Variants in JAK1 observed in about 807,000 individuals in gnomAD.
The protein encoded by JAK1 is Janus kinase 1, also known as tyrosine-protein kinase JAK1.
Under a neutral mutation model 136.6 loss-of-function variants are expected in JAK1, and 16 were observed. The ratio of observed to expected loss-of-function variants is 0.12; its 90% CI spans 0.08 to 0.18. The LOEUF (loss-of-function observed/expected upper bound fraction) is 0.18, where lower values mean the gene tolerates loss of function less well. Among genes scored for constraint, JAK1 ranks in the 10% least tolerant of loss-of-function variants. JAK1 has a pLI of 1.00. For synonymous variants in JAK1, 492 were observed against 519.5 expected, an observed-to-expected ratio of 0.95 and a Z score of 0.72; for missense variants, 859 against 1,450.1, an observed-to-expected ratio of 0.59 and a Z score of 6.62.
At chr1:64,848,491 G>A (rs1206544842) in intron 12 of JAK1, among the ~76,000 whole-genome samples, 1 of 151,914 alleles carries the variant, frequency 6.6e-6, no homozygotes, top group African/African-American at 2.4e-5. Flanking sequence ...TGGAGCCTGG[G>A]GTGATGTGTC....
intron 2 of JAK1, among the ~76,000 whole-genome samples, chr1:65,035,960 C>T (rs571625): frequency 0.14 from 20,624 of 151,818 alleles, 1,759 homozygotes; most frequent in East Asian, 0.32. Flanking sequence ...CCCAGCTACT[C>T]AGGAGGCTGA....
intron 2 of JAK1, among the ~76,000 whole-genome samples, chr1:64,977,678 G>A (rs749298934): frequency 6.6e-5 from 10 of 151,992 alleles, no homozygotes; most frequent in Admixed American, 5.9e-4. Context: ...TGATCTACAC[G>A]TCTTGGCCTC....
At chr1:64,839,909 C>G in intron 19 of JAK1, 114 bp from the exon 20 acceptor site, 1 of 842,034 alleles carries the variant, frequency 1.2e-6, no homozygotes, top group Non-Finnish European at 1.8e-6. Context: ...TTCTCGCTGT[C>G]TGGCCTTGCA....
intron 2 of JAK1, chr1:64,994,920 C>T (rs1047697893): frequency 6.9e-6 from 1 of 145,228 alleles, no homozygotes; most frequent in Non-Finnish European, 1.5e-5. Context: ...TACAGTAAGA[C>T]GTGACACCAT....
At chr1:64,977,678 G>T (rs749298934) in intron 2 of JAK1, among the ~76,000 whole-genome samples, 1 of 151,992 alleles carries the variant, frequency 6.6e-6, no homozygotes, top group African/African-American at 2.4e-5. Context: ...TGATCTACAC[G>T]TCTTGGCCTC....
intron 10 of JAK1, among the ~76,000 whole-genome samples, chr1:64,856,902 C>G (rs1218647433): frequency 6.6e-6 from 1 of 152,214 alleles, no homozygotes; most frequent in African/African-American, 2.4e-5. Context: ...CTCCGTGTCC[C>G]AGGTCTCCCC....
chr1:64,863,181 A>G (rs1291128389), intron 8 of JAK1, among the ~76,000 whole-genome samples: 1 of 150,286 alleles, frequency 6.7e-6, no homozygotes, highest in Non-Finnish European at 1.5e-5. Flanking sequence ...AGCATATGAC[A>G]CGGGGCCTAA....
chr1:65,001,396 C>G (rs1646755079), intron 2 of JAK1, among the ~76,000 whole-genome samples: 1 of 152,164 alleles, frequency 6.6e-6, no homozygotes, highest in African/African-American at 2.4e-5. Flanking sequence ...TCTCCCTGTG[C>G]GCTGGCTGGC....
intron 2 of JAK1, chr1:64,979,871 G>A (rs1274944268): frequency 1.3e-5 from 2 of 152,156 alleles, no homozygotes; most frequent in Non-Finnish European, 2.9e-5. Context: ...GAAGGACACT[G>A]AAAAAGAGGC....
intron 1 of JAK1, among the ~76,000 whole-genome samples, chr1:64,963,800 A>G (rs1313560956): frequency 6.6e-6 from 1 of 152,140 alleles, no homozygotes; most frequent in Admixed American, 6.5e-5. Context: ...TCAGTATTCC[A>G]AAGCAGGACT....
At chr1:64,931,832 T>G (rs978193204) in intron 1 of JAK1, among the ~76,000 whole-genome samples, 1 of 152,112 alleles carries the variant, frequency 6.6e-6, no homozygotes, top group Non-Finnish European at 1.5e-5. Flanking sequence ...GAATACATAA[T>G]GTACACACAC....
intron 1 of JAK1, among the ~76,000 whole-genome samples, chr1:65,049,759 A>T (rs968028582): frequency 7.2e-5 from 11 of 151,906 alleles, no homozygotes; most frequent in Non-Finnish European, 1.2e-4. Flanking sequence ...TCATATCCTC[A>T]CCCCACCAAA....
chr1:64,884,588 C>T (rs577727302), intron 2 of JAK1, among the ~76,000 whole-genome samples: 2 of 152,184 alleles, frequency 1.3e-5, no homozygotes, highest in Non-Finnish European at 2.9e-5. Flanking sequence ...TGCTTGAAAC[C>T]CACAAGGCTG....
intron 11 of JAK1, among the ~76,000 whole-genome samples, chr1:64,853,730 TG>T (rs1172170057): frequency 2.6e-5 from 4 of 151,178 alleles, no homozygotes; most frequent in Non-Finnish European, 5.9e-5. Flanking sequence ...ATAAACTGCC[TG>T]GGCCACAGTA....
At chr1:64,973,133 AAAAGAG>A (rs1374563744) in intron 2 of JAK1, 10 of 151,812 alleles carry the variant, frequency 6.6e-5, no homozygotes, top group Non-Finnish European at 1.2e-4. Flanking sequence ...GAAAGAAAGA[AAAAGAG>A]AAAGAAAGAA....
intron 15 of JAK1, 47 bp downstream of exon 15, chr1:64,845,466 C>T: frequency 2.5e-6 from 4 of 1,611,322 alleles, no homozygotes; most frequent in Non-Finnish European, 1.7e-6. Flanking sequence ...CCTCCCAGGA[C>T]ACTCTGGTTT....
At chr1:64,996,783 G>A (rs986559427) in intron 2 of JAK1, among the ~76,000 whole-genome samples, 5 of 152,126 alleles carry the variant, frequency 3.3e-5, no homozygotes, top group South Asian at 2.1e-4. Flanking sequence ...GAAGAACACC[G>A]GATTTTTAGA....
At chr1:64,906,757 T>C (rs1174640062) in intron 1 of JAK1, among the ~76,000 whole-genome samples, 1 of 152,218 alleles carries the variant, frequency 6.6e-6, no homozygotes, top group African/African-American at 2.4e-5. Context: ...AGAGGTGATA[T>C]GACTCATAGA....
rs180822858 is a variant in JAK1 at position 64,892,799 on chromosome 1, C to T, written c.-77-6458G>A. 2.6e-5 allele frequency among the ~76,000 whole-genome samples: 4 copies of T among 152,328 alleles called. No homozygotes were observed. The East Asian group carries it at 5.8e-4, about 22-fold the overall frequency. Reference sequence around the variant, plus strand: ...TGAGAGGTGAGATAGGTCTCAAACACATTTCTCAGCTGTAGCCTCACTCCC... The same window carrying T: ...TGAGAGGTGAGATAGGTCTCAAACATATTTCTCAGCTGTAGCCTCACTCCC... On this transcript the variant is annotated intron_variant, in intron 1 of 24. Coordinates refer to ENST00000342505, the MANE Select transcript of JAK1 (RefSeq NM_002227.4).
Sources: gnomAD v4.1 joint callset for allele counts (sites outside exome capture counted in the v4.1 genomes callset) on GRCh38, gnomAD v4.1.1 for gene constraint, MANE v1.5 for transcripts, NCBI Gene and HGNC (gene_info 2026-07-23, HGNC 2026-07-21) for gene names.